The following COL19A1 variants were observed in gnomAD, a reference collection of about 807,000 sequenced individuals.
COL19A1 encodes the protein collagen alpha-1(XIX) chain.
In COL19A1, 159 loss-of-function variants were observed where a neutral mutation model predicts 190.2. The observed-to-expected ratio is 0.84, with a 90% CI of 0.73 to 0.95. The LOEUF is 0.95. Ranked by LOEUF, COL19A1 falls within the 40% of genes least tolerant of loss-of-function variation. The pLI, the probability that COL19A1 is intolerant of heterozygous loss-of-function variation, is 0.00. For synonymous variants in COL19A1, 509 were observed against 458.9 expected, an observed-to-expected ratio of 1.11 and a Z score of -1.39; for missense variants, 1,418 against 1,431.9, an observed-to-expected ratio of 0.99 and a Z score of 0.16.
At chr6:69,967,239 A>G (rs562935883) in intron 11 of COL19A1, among the ~76,000 whole-genome samples, 6 of 152,340 alleles carry the variant, frequency 3.9e-5, no homozygotes, top group African/African-American at 1.4e-4. Context: ...ATATGGTGGC[A>G]GATTCTTACC....
intron 17 of COL19A1, among the ~76,000 whole-genome samples, chr6:70,129,376 T>A (rs1176632761): frequency 3.9e-5 from 6 of 152,328 alleles, no homozygotes; most frequent in Admixed American, 3.9e-4. Context: ...CTTTACCAAA[T>A]TGGCCAATTT....
intron 14 of COL19A1, among the ~76,000 whole-genome samples, chr6:70,056,705 T>G (rs1780522330): frequency 6.6e-6 from 1 of 152,140 alleles, no homozygotes; most frequent in Non-Finnish European, 1.5e-5. Context: ...AATGGATGCT[T>G]CTGGCAGAAA....
chr6:70,017,222 G>A (rs1303063510), intron 11 of COL19A1, among the ~76,000 whole-genome samples: 2 of 151,856 alleles, frequency 1.3e-5, no homozygotes, highest in Non-Finnish European at 2.9e-5. Flanking sequence ...AATTAAGCTA[G>A]ACAAAAAAGG....
intron 1 of COL19A1, among the ~76,000 whole-genome samples, chr6:69,874,058 G>A (rs1767989519): frequency 6.6e-6 from 1 of 152,140 alleles, no homozygotes; most frequent in Non-Finnish European, 1.5e-5. Context: ...TGGGACCTGT[G>A]GGGACAGGAA....
At chr6:70,174,034 A>G (rs1225912361) in intron 41 of COL19A1, among the ~76,000 whole-genome samples, 1 of 152,130 alleles carries the variant, frequency 6.6e-6, no homozygotes, top group African/African-American at 2.4e-5. Context: ...AAAGCAGAGT[A>G]TGGGGACAGA....
chr6:70,001,926 G>A lies in COL19A1; in HGVS notation c.1027-21701G>A, dbSNP rs183700540. Among the ~76,000 whole-genome samples the A allele has an allele frequency of 1.4e-3, 214 of 152,292 alleles. 2 individuals carry two copies. The South Asian group carries it at 0.015, about 10-fold the overall frequency. On this transcript the variant is annotated intron_variant, in intron 11 of 50. Transcript: ENST00000620364. ...TGTTGAATAGGAGTTGTGAGAGAGGGCATCTGTGTCTTGTGCCTGTTTTCA... is the reference window on the plus strand; with the variant it reads ...TGTTGAATAGGAGTTGTGAGAGAGGACATCTGTGTCTTGTGCCTGTTTTCA...
intron 9 of COL19A1, among the ~76,000 whole-genome samples, chr6:69,959,082 A>G (rs1774608799): frequency 1.3e-5 from 2 of 152,200 alleles, no homozygotes; most frequent in African/African-American, 4.8e-5. Flanking sequence ...GAAAATTCCT[A>G]AAACTCTATT....
intron 46 of COL19A1, 54 bp downstream of exon 46, chr6:70,184,969 C>G (rs997051793): frequency 6.5e-7 from 1 of 1,545,640 alleles, no homozygotes; most frequent in Non-Finnish European, 8.8e-7. Flanking sequence ...ACAACTGTCC[C>G]ATCATTTGAG....
chr6:69,932,306 A>AT, intron 6 of COL19A1, among the ~76,000 whole-genome samples: 1 of 151,940 alleles, frequency 6.6e-6, no homozygotes, highest in East Asian at 1.9e-4. Context: ...TAGATAAAAA[A>AT]TTTTTTTTCC....
chr6:70,048,642 A>G (rs1780031074), intron 14 of COL19A1, among the ~76,000 whole-genome samples: 1 of 152,132 alleles, frequency 6.6e-6, no homozygotes, highest in Non-Finnish European at 1.5e-5. Flanking sequence ...GTTATTTCAG[A>G]GAAAATTATT....
rs768007143 is a variant in COL19A1, at chr6:70,092,819, G to A, written c.1225-9350G>A. On this transcript the variant is annotated intron_variant, in intron 15 of 50. Transcript: ENST00000620364. Reference sequence around the variant, plus strand: ...TGTAACTCAGAAATACTGAAACTATGTCCTGTCACTTTACCTTAATTGAAA... The same window carrying A: ...TGTAACTCAGAAATACTGAAACTATATCCTGTCACTTTACCTTAATTGAAA... 3.9e-5 allele frequency among the ~76,000 whole-genome samples: 6 copies of A among 152,062 alleles called. No individual in the cohort carries two copies. The East Asian group carries it at 7.7e-4, about 19-fold the overall frequency.
intron 11 of COL19A1, among the ~76,000 whole-genome samples, chr6:69,967,336 T>C (rs778500355): frequency 6.6e-6 from 1 of 152,060 alleles, no homozygotes; most frequent in South Asian, 2.1e-4. Flanking sequence ...TTAAGTTTGA[T>C]AAAAAGAAAA....
chr6:70,130,450 T>G (rs149800727), intron 18 of COL19A1, among the ~76,000 whole-genome samples: 1 of 152,246 alleles, frequency 6.6e-6, no homozygotes, highest in Non-Finnish European at 1.5e-5. Flanking sequence ...GGTCTTGGAC[T>G]CCTGACCTCA....
rs921412799 is a variant in COL19A1 at position 70,194,661 on chromosome 6, C to T, written c.3094+4280C>T. Among the ~76,000 whole-genome samples, 4 of 152,272 alleles carry T rather than the reference C, an allele frequency of 2.6e-5. No homozygotes were observed. In the South Asian group the frequency reaches 6.2e-4, roughly 24 times the overall value. Reference sequence around the variant, plus strand: ...TCCCAGCTGCCAGTGATGCTGCCCACACAAATGAGGCTCTTGCCAGATCTG... The same window carrying T: ...TCCCAGCTGCCAGTGATGCTGCCCATACAAATGAGGCTCTTGCCAGATCTG... On this transcript the variant is annotated intron_variant, in intron 48 of 50. Transcript: ENST00000620364.
chr6:70,137,645 T>A (rs747789232), intron 18 of COL19A1, 40 bp from the exon 19 acceptor site: 1 of 1,595,160 alleles, frequency 6.3e-7, no homozygotes, highest in South Asian at 1.1e-5. Context: ...AATGCTTCTC[T>A]AACCATCTGC....
At chr6:70,004,347 G>T (rs936622736) in intron 11 of COL19A1, among the ~76,000 whole-genome samples, 10 of 152,076 alleles carry the variant, frequency 6.6e-5, no homozygotes. Flanking sequence ...ATAATTATGT[G>T]TCTTGGGGTT....
chr6:70,071,569 AT>A (rs1781559324), intron 15 of COL19A1, among the ~76,000 whole-genome samples: 1 of 151,886 alleles, frequency 6.6e-6, no homozygotes, highest in African/African-American at 2.4e-5. Context: ...GCCATTATTT[AT>A]TTATTTACTT....
At chr6:70,095,257 C>T (rs1358710457) in intron 15 of COL19A1, among the ~76,000 whole-genome samples, 1 of 152,090 alleles carries the variant, frequency 6.6e-6, no homozygotes, top group Non-Finnish European at 1.5e-5. Context: ...GAATAAACCA[C>T]ATTTTTTTTA....
At chr6:69,910,854 T>G (rs1283625042) in intron 4 of COL19A1, among the ~76,000 whole-genome samples, 1 of 152,198 alleles carries the variant, frequency 6.6e-6, no homozygotes, top group Non-Finnish European at 1.5e-5. Context: ...TTATCTTTAA[T>G]CTTAATTTGG....
Sources: gnomAD v4.1 joint callset for allele counts (sites outside exome capture counted in the v4.1 genomes callset) on GRCh38, gnomAD v4.1.1 for gene constraint, MANE v1.5 for transcripts, NCBI Gene and HGNC (gene_info 2026-07-23, HGNC 2026-07-21) for gene names.